The following GLYR1 variants were observed in gnomAD, a reference collection of about 807,000 sequenced individuals.
GLYR1 encodes glyoxylate reductase 1 homolog.
Under a neutral mutation model 72.7 loss-of-function variants are expected in GLYR1, and 21 were observed. The observed-to-expected ratio is 0.29, with a 90% CI of 0.20 to 0.42. GLYR1 has a LOEUF of 0.42. Ranked by LOEUF, GLYR1 falls within the 10% of genes least tolerant of loss-of-function variation. The pLI, the probability that GLYR1 is intolerant of heterozygous loss-of-function variation, is 1.00. For missense variants in GLYR1, 594 were observed against 712.1 expected (o/e 0.83, Z 1.89); for synonymous variants, 392 against 270.2 (o/e 1.45, Z -4.42).
chr16:4,843,686 A>T, intron 3 of GLYR1: 3 of 1,240,338 alleles, frequency 2.4e-6, no homozygotes, highest in Non-Finnish European at 3.2e-6. Context: ...ATCGCTTTCT[A>T]AGTAGAAATA....
chr16:4,818,986 G>A (rs555120143), intron 9 of GLYR1, among the ~76,000 whole-genome samples: 1 of 152,216 alleles, frequency 6.6e-6, no homozygotes, highest in South Asian at 2.1e-4. Context: ...AACCCTGAGA[G>A]CTGGGGGCTG....
chr16:4,815,585 A>G (rs530248208), intron 10 of GLYR1, among the ~76,000 whole-genome samples: 1 of 152,228 alleles, frequency 6.6e-6, no homozygotes, highest in African/African-American at 2.4e-5. Flanking sequence ...AGAATAAAAC[A>G]GGTTCTAAAA....
Position 4,832,599 on chromosome 16 carries a change from C to A in GLYR1, c.294+175G>T, listed in dbSNP as rs73515188. On this transcript the variant is annotated intron_variant, in intron 4 of 15. Coordinates refer to ENST00000321919, the MANE Select transcript of GLYR1 (RefSeq NM_032569.4). The stretch of plus-strand genomic sequence containing the variant: ...CAACAACCTACTCCAGAAAGGTTAG[C>A]TGCATGGAGTTTCAAACTGATAAGC... 8.7e-3 allele frequency: 6,613 copies of A among 759,938 alleles called. 324 individuals are homozygous for A. The African/African-American group carries it at 0.1, about 12-fold the overall frequency. The allele number at this position is 759,938 out of a possible 1,614,324, so 47.1% of individuals were successfully genotyped here.
At chr16:4,836,104 C>G (rs2085112130) in intron 3 of GLYR1, among the ~76,000 whole-genome samples, 1 of 152,132 alleles carries the variant, frequency 6.6e-6, no homozygotes, top group Non-Finnish European at 1.5e-5. Flanking sequence ...TGGCCTACCT[C>G]TGTCTTTTTA....
intron 6 of GLYR1, 77 bp downstream of exon 6, chr16:4,823,742 CAA>C (rs34966439): frequency 0.15 from 115,857 of 750,816 alleles, 1,759 homozygotes; most frequent in South Asian, 0.2. Flanking sequence ...AAGAAAGGGA[CAA>C]AAAAAAAAAA....
Position 4,821,430 on chromosome 16 carries a change from C to T in GLYR1, c.756G>A (p.Gln252=). The change falls in exon 9 of 16, where the codon CAG becomes CAA. Residue 252 remains glutamine (Q), a synonymous_variant. Coordinates refer to ENST00000321919, the MANE Select transcript of GLYR1 (RefSeq NM_032569.4). ...CEEETGSTSI[Q]AADSTAVNGS... Reference sequence around the variant, plus strand: ...CATTCACGGCTGTGCTGTCAGCTGCCTGGATGGAGGTGGAGCCAGTTTCCT... The same window carrying T: ...CATTCACGGCTGTGCTGTCAGCTGCTTGGATGGAGGTGGAGCCAGTTTCCT... 2 of 1,613,862 alleles carry T rather than the reference C, an allele frequency of 1.2e-6. No homozygotes were observed. Among genetic ancestry groups the T allele is most frequent in the Non-Finnish European group, 1.7e-6 (2 of 1,180,056 alleles).
intron 15 of GLYR1, among the ~76,000 whole-genome samples, chr16:4,809,265 C>A (rs749980288): frequency 2.8e-5 from 4 of 144,870 alleles, no homozygotes; most frequent in Non-Finnish European, 4.5e-5. Flanking sequence ...TCTAGGCTCA[C>A]TGCAACCTCC....
At chr16:4,825,828 A>AT (rs35839568) in intron 5 of GLYR1, among the ~76,000 whole-genome samples, 2 of 149,192 alleles carry the variant, frequency 1.3e-5, no homozygotes, top group Non-Finnish European at 3.0e-5. Flanking sequence ...AATTTTTTGT[A>AT]TTTTTAGTAG....
At chr16:4,814,076 AAAAC>A (rs1042915980) in intron 11 of GLYR1, 6 of 393,686 alleles carry the variant, frequency 1.5e-5, no homozygotes, top group Non-Finnish European at 2.7e-5. Flanking sequence ...AAAAAAAAAA[AAAAC>A]AAACCCCATT....
At chr16:4,817,266 C>A (rs1468952931) in intron 10 of GLYR1, among the ~76,000 whole-genome samples, 1 of 151,718 alleles carries the variant, frequency 6.6e-6, no homozygotes, top group Non-Finnish European at 1.5e-5. Flanking sequence ...ACTACAGGTG[C>A]CCGCCACCAC....
At chr16:4,814,022 C>A in intron 11 of GLYR1, 184 bp from the exon 12 acceptor site, 3 of 472,368 alleles carry the variant, frequency 6.4e-6, no homozygotes, top group South Asian at 3.6e-5. Flanking sequence ...TCCCATTTAT[C>A]TTTAAAAAGA....
At chr16:4,839,675 C>G (rs907245151) in intron 3 of GLYR1, 4 of 152,178 alleles carry the variant, frequency 2.6e-5, no homozygotes, top group South Asian at 4.1e-4. Context: ...AGGTCTGGCC[C>G]TCTCCTAACA....
intron 15 of GLYR1, among the ~76,000 whole-genome samples, chr16:4,809,783 G>A (rs1175618321): frequency 6.6e-6 from 1 of 151,790 alleles, no homozygotes; most frequent in Admixed American, 6.6e-5. Flanking sequence ...AATCAGTTGT[G>A]TATGGTGGTG....
intron 3 of GLYR1, among the ~76,000 whole-genome samples, chr16:4,843,212 G>A (rs1185999790): frequency 6.6e-6 from 1 of 152,112 alleles, no homozygotes; most frequent in Admixed American, 6.5e-5. Flanking sequence ...TGTCACCCAT[G>A]CTGGAGTGCA....
chr16:4,844,749 T>C (rs2085849093), intron 3 of GLYR1, among the ~76,000 whole-genome samples: 1 of 152,184 alleles, frequency 6.6e-6, no homozygotes, highest in South Asian at 2.1e-4. Flanking sequence ...ACAGACTAAG[T>C]CTCTGTCTCA....
At chr16:4,813,098 G>A (rs1489092436) in intron 12 of GLYR1, among the ~76,000 whole-genome samples, 3 of 152,114 alleles carry the variant, frequency 2.0e-5, no homozygotes, top group Non-Finnish European at 4.4e-5. Flanking sequence ...AAGTAGCTGG[G>A]ACTACAGGTG....
Position 4,814,548 on chromosome 16 carries a change from C to A in GLYR1, c.1006G>T (p.Ala336Ser). The change falls in exon 11 of 16, where the codon GCG becomes TCG. Residue 336 changes from alanine to serine, a missense_variant. Coordinates refer to ENST00000321919, the MANE Select transcript of GLYR1 (RefSeq NM_032569.4). ...GAGGGGGTCCTTACGTCCTTGGCCG[C>A]CTTGGGATCCGACACGCAGGCGAAA... ...ITFACVSDPK[A>S]AKDLVLGPSG... 1 of 1,613,538 alleles carries A rather than the reference C, an allele frequency of 6.2e-7. No individual in the cohort carries two copies. Among genetic ancestry groups the A allele is most frequent in the Non-Finnish European group, 8.5e-7 (1 of 1,179,980 alleles).
intron 3 of GLYR1, among the ~76,000 whole-genome samples, chr16:4,836,701 G>A (rs1217165799): frequency 6.6e-6 from 1 of 152,106 alleles, no homozygotes; most frequent in Non-Finnish European, 1.5e-5. Context: ...TATCTCTGGA[G>A]GGACACATCA....
intron 10 of GLYR1, among the ~76,000 whole-genome samples, chr16:4,815,886 A>C (rs1249292086): frequency 6.6e-6 from 1 of 151,854 alleles, no homozygotes. Flanking sequence ...GGTTCACGCC[A>C]TTCTCCTGCC....
Sources: gnomAD v4.1 joint callset for allele counts (sites outside exome capture counted in the v4.1 genomes callset) on GRCh38, gnomAD v4.1.1 for gene constraint, MANE v1.5 for transcripts, NCBI Gene and HGNC (gene_info 2026-07-23, HGNC 2026-07-21) for gene names.